RTN1: variants seen among roughly 807,000 people sequenced by gnomAD.
RTN1 encodes reticulon-1.
RTN1 carries 25 observed loss-of-function variants against 65.5 expected under a neutral mutation model. That is an observed-to-expected ratio of 0.38 (90% CI 0.28 to 0.53). RTN1 has a LOEUF of 0.53. RTN1 is among the 20% of genes least tolerant of loss of function. RTN1 has a pLI of 0.79. For synonymous variants in RTN1, 471 were observed against 447.6 expected (o/e 1.05, Z -0.66); for missense variants, 983 against 1,025.4 (o/e 0.96, Z 0.57).
intron 1 of RTN1, among the ~76,000 whole-genome samples, chr14:59,845,443 T>G (rs1306774596): frequency 6.6e-6 from 1 of 152,142 alleles, no homozygotes; most frequent in Non-Finnish European, 1.5e-5. Flanking sequence ...AATCACTGTA[T>G]TTCCCAATCC....
intron 1 of RTN1, among the ~76,000 whole-genome samples, chr14:59,757,889 T>A (rs1223987533): frequency 6.6e-6 from 1 of 152,144 alleles, no homozygotes; most frequent in Non-Finnish European, 1.5e-5. Flanking sequence ...CAACAACATG[T>A]CATCACCCAA....
At chr14:59,728,076 T>C (rs1020559090) in intron 2 of RTN1, among the ~76,000 whole-genome samples, 3 of 152,190 alleles carry the variant, frequency 2.0e-5, no homozygotes, top group Non-Finnish European at 2.9e-5. Flanking sequence ...TCAGATAATC[T>C]GATGTATACA....
intron 1 of RTN1, among the ~76,000 whole-genome samples, chr14:59,813,911 A>T (rs1886773348): frequency 6.6e-6 from 1 of 152,204 alleles, no homozygotes. Context: ...TGATCAAAAA[A>T]GTTTTAGAGA....
intron 2 of RTN1, among the ~76,000 whole-genome samples, chr14:59,732,757 G>A (rs1187888140): frequency 6.6e-6 from 1 of 152,186 alleles, no homozygotes; most frequent in African/African-American, 2.4e-5. Context: ...TGCAACTTAG[G>A]CAAGGTGGGA....
intron 3 of RTN1, among the ~76,000 whole-genome samples, chr14:59,703,967 G>T (rs1884235484): frequency 6.6e-6 from 1 of 152,108 alleles, no homozygotes; most frequent in Non-Finnish European, 1.5e-5. Flanking sequence ...GAAAAACAAA[G>T]GTGATTATAT....
intron 1 of RTN1, among the ~76,000 whole-genome samples, chr14:59,749,597 ATC>A (rs1449783521): frequency 1.8e-4 from 12 of 67,014 alleles, no homozygotes; most frequent in African/African-American, 1.3e-3. Flanking sequence ...TTATATATAT[ATC>A]TATCTATATA....
At chr14:59,787,022 C>T (rs1236703515) in intron 1 of RTN1, among the ~76,000 whole-genome samples, 1 of 152,154 alleles carries the variant, frequency 6.6e-6, no homozygotes, top group African/African-American at 2.4e-5. Context: ...TTCTGCTATA[C>T]AGGTATTACT....
rs1006731805 is a variant in RTN1, at chr14:59,743,279, T to G, written c.1015+2429A>C. Reference sequence around the variant, plus strand: ...AATTCCCTAAAAATTAATGGACCCTTTGTCAAGTCTTTGCAAACTGTAATT... The same window carrying G: ...AATTCCCTAAAAATTAATGGACCCTGTGTCAAGTCTTTGCAAACTGTAATT... On this transcript the variant is annotated intron_variant, in intron 2 of 8. Coordinates refer to ENST00000267484, the MANE Select transcript of RTN1 (RefSeq NM_021136.3). 4.6e-5 allele frequency among the ~76,000 whole-genome samples: 7 copies of G among 152,192 alleles called. No homozygotes were observed. The East Asian group carries it at 1.3e-3, about 29-fold the overall frequency.
In RTN1 at chr14:59,774,594, T is replaced by G. The variant is rs186860270; in HGVS notation, c.242-28113A>C. Among the ~76,000 whole-genome samples, 15 of 147,904 alleles carry G rather than the reference T, an allele frequency of 1.0e-4. No individual in the cohort carries two copies. The highest frequency in any genetic ancestry group is 3.7e-4 in the African/African-American group (14 of 37,336). On this transcript the variant is annotated intron_variant, in intron 1 of 8. Transcript: ENST00000267484. The surrounding 1 kb of genome is among the most constrained non-coding windows in gnomAD (Gnocchi z 5.1). The stretch of plus-strand genomic sequence containing the variant: ...ATTTGCTTTCTCCTCCCTAAAAGCC[T>G]TAAATAAAAACACATGAAACCAATG...
chr14:59,610,384 G>A (rs1267198420), intron 3 of RTN1, among the ~76,000 whole-genome samples: 1 of 152,122 alleles, frequency 6.6e-6, no homozygotes, highest in South Asian at 2.1e-4. Context: ...TGTTGGTTCT[G>A]GACACTTTGC....
chr14:59,809,025 A>G (rs1186367230), intron 1 of RTN1, among the ~76,000 whole-genome samples: 1 of 152,208 alleles, frequency 6.6e-6, no homozygotes, highest in Non-Finnish European at 1.5e-5. Context: ...GCAATTTGAG[A>G]ACGGGCTAAC....
chr14:59,814,069 T>A (rs1435286564), intron 1 of RTN1, among the ~76,000 whole-genome samples: 1 of 152,056 alleles, frequency 6.6e-6, no homozygotes, highest in Non-Finnish European at 1.5e-5. Context: ...AAGCCCAGAG[T>A]CCTGCCTTTC....
At chr14:59,788,836 T>C (rs1320526237) in intron 1 of RTN1, among the ~76,000 whole-genome samples, 2 of 152,204 alleles carry the variant, frequency 1.3e-5, no homozygotes, top group African/African-American at 4.8e-5. Flanking sequence ...TTTTTCCAGA[T>C]GAACTTGTCA....
chr14:59,776,425 T>C (rs112299049), intron 1 of RTN1, among the ~76,000 whole-genome samples: 2,428 of 152,264 alleles, frequency 0.016, 62 homozygotes, highest in African/African-American at 0.056. Flanking sequence ...CATGCCATGA[T>C]GCAGTAAAGC....
At chr14:59,823,948 A>C (rs1338548788) in intron 1 of RTN1, among the ~76,000 whole-genome samples, 1 of 152,098 alleles carries the variant, frequency 6.6e-6, no homozygotes, top group African/African-American at 2.4e-5. Flanking sequence ...TTTCTCAGAG[A>C]TTTTGTTCAT....
chr14:59,608,116 G>T (rs531723524), intron 3 of RTN1, among the ~76,000 whole-genome samples: 1 of 152,226 alleles, frequency 6.6e-6, no homozygotes, highest in East Asian at 1.9e-4. Context: ...CAAATGTCAT[G>T]CAAAATGGAA....
chr14:59,715,726 T>A lies in RTN1; in HGVS notation c.1765+11193A>T, dbSNP rs533117511. 1.5e-3 allele frequency among the ~76,000 whole-genome samples: 232 copies of A among 151,682 alleles called. 3 individuals carry two copies. The highest frequency in any genetic ancestry group is 0.013 in the Admixed American group (195 of 15,216). ...CTGTAATCCTAGCTACTTGGGAGGC[T>A]GAGGCAAGAGAATTGCTTGAACCTG... On this transcript the variant is annotated intron_variant, in intron 3 of 8. Coordinates refer to ENST00000267484, the MANE Select transcript of RTN1 (RefSeq NM_021136.3).
intron 1 of RTN1, among the ~76,000 whole-genome samples, chr14:59,815,167 T>G (rs1405173033): frequency 1.3e-5 from 2 of 152,218 alleles, no homozygotes; most frequent in Non-Finnish European, 2.9e-5. Context: ...TTTCTTTGAG[T>G]TACTATCATA....
At chr14:59,629,870 C>A (rs556594885) in intron 3 of RTN1, among the ~76,000 whole-genome samples, 49 of 152,300 alleles carry the variant, frequency 3.2e-4, no homozygotes, top group Admixed American at 4.6e-4. Flanking sequence ...CAGAAAAAAA[C>A]CCCAAATATT....
Sources: gnomAD v4.1 joint callset for allele counts (sites outside exome capture counted in the v4.1 genomes callset) on GRCh38, gnomAD v4.1.1 for gene constraint, Gnocchi (gnomAD v3.1) non-coding constraint, MANE v1.5 for transcripts, NCBI Gene and HGNC (gene_info 2026-07-23, HGNC 2026-07-21) for gene names.